Variants in SLC7A1 observed in about 807,000 individuals in gnomAD.
The protein encoded by SLC7A1 is high affinity cationic amino acid transporter 1.
A neutral mutation model predicts 53.9 loss-of-function variants in SLC7A1; 10 were observed. The observed-to-expected ratio is 0.19, with a 90% confidence interval of 0.11 to 0.31. The LOEUF (loss-of-function observed/expected upper bound fraction) is 0.31, where lower values mean the gene tolerates loss of function less well. SLC7A1 is among the 10% of genes least tolerant of loss of function. The pLI, the probability that SLC7A1 is intolerant of heterozygous loss-of-function variation, is 1.00. For synonymous variants in SLC7A1, 342 were observed against 338.7 expected (o/e 1.01, Z -0.11); for missense variants, 525 against 827.2 (o/e 0.63, Z 4.48).
At position 29,517,661 on chromosome 13, in the gene SLC7A1, C is replaced by T. The variant is rs1218782564; in HGVS notation, c.1422G>A (p.Met474Ile). 1.2e-6 allele frequency: 2 copies of T among 1,614,094 alleles called. No homozygotes were observed. The highest frequency in any genetic ancestry group is 1.7e-5 in the Admixed American group (1 of 60,010). Reference sequence around the variant, plus strand: ...GTGAGAGTATGGTTTTCAAAGAGAACATCTCTGCCTCTGGTAAAAAGCCCA... The same window carrying T: ...GTGAGAGTATGGTTTTCAAAGAGAATATCTCTGCCTCTGGTAAAAAGCCCA... ...SQLGFLPEAE[M>I]FSLKTILSPK... The change falls in exon 10 of 13, where the codon ATG (methionine) becomes ATA (isoleucine). Residue 474 changes from methionine to isoleucine, a missense_variant. Physicochemically the swap from Met to Ile is conservative, Grantham distance 10. Transcript: ENST00000380752.
chr13:29,515,344 T>C (rs541187957), intron 12 of SLC7A1, among the ~76,000 whole-genome samples: 66 of 152,356 alleles, frequency 4.3e-4, no homozygotes, highest in Non-Finnish European at 2.4e-4. Context: ...AGAAAGGCTC[T>C]AGGAGACGTC....
intron 5 of SLC7A1, 147 bp downstream of exon 5, chr13:29,530,391 C>T: frequency 4.0e-6 from 3 of 754,702 alleles, no homozygotes; most frequent in Non-Finnish European, 2.2e-6. Flanking sequence ...CCCTCAGCTA[C>T]TTCACTGCAA....
intron 2 of SLC7A1, among the ~76,000 whole-genome samples, chr13:29,552,481 A>G (rs1424431467): frequency 6.6e-6 from 1 of 152,184 alleles, no homozygotes; most frequent in Non-Finnish European, 1.5e-5. Flanking sequence ...CTGGCCATAA[A>G]CAAAATCTCT....
Position 29,522,362 on chromosome 13 carries a change from T to G in SLC7A1, c.1144A>C (p.Thr382Pro). Residue 382 changes from threonine (T) to proline (P), a missense_variant, in exon 8 of 13, where the codon ACC becomes CCC. Coordinates refer to ENST00000380752, the MANE Select transcript of SLC7A1 (RefSeq NM_003045.5). ...FKFLANVNDR[T>P]KTPIIATLAS... ...AATGTGGCGATTATTGGTGTTTTGG[T>G]CCTATCATTGACGTTGGCTAAGAAT... The G allele has an allele frequency of 6.2e-7, 1 of 1,614,170 alleles. No homozygotes were observed. The highest frequency in any genetic ancestry group is 1.7e-5 in the Admixed American group (1 of 60,024).
At chr13:29,560,023 TAA>T (rs1438944478) in intron 1 of SLC7A1, among the ~76,000 whole-genome samples, 1 of 152,210 alleles carries the variant, frequency 6.6e-6, no homozygotes, top group Non-Finnish European at 1.5e-5. Flanking sequence ...ACCTTTTTTT[TAA>T]AACTCTTACT....
chr13:29,521,516 T>C (rs527548655), intron 8 of SLC7A1, among the ~76,000 whole-genome samples: 1 of 152,296 alleles, frequency 6.6e-6, no homozygotes, highest in African/African-American at 2.4e-5. Context: ...TCCCTGGGCC[T>C]CCACTTCTAC....
At chr13:29,534,441 T>C (rs1164969961) in intron 3 of SLC7A1, among the ~76,000 whole-genome samples, 5 of 152,320 alleles carry the variant, frequency 3.3e-5, no homozygotes, top group Admixed American at 2.6e-4. Context: ...GAGAACCATG[T>C]GTGGTTGTTA....
intron 5 of SLC7A1, among the ~76,000 whole-genome samples, chr13:29,525,931 G>C (rs1868867446): frequency 6.6e-6 from 1 of 152,220 alleles, no homozygotes; most frequent in African/African-American, 2.4e-5. Context: ...CGCCTCTCAG[G>C]CCAGAGGCCC....
intron 1 of SLC7A1, among the ~76,000 whole-genome samples, chr13:29,566,414 C>T (rs1025827269): frequency 6.6e-6 from 1 of 152,184 alleles, no homozygotes; most frequent in African/African-American, 2.4e-5. Flanking sequence ...AAATGTGGTA[C>T]ATCCAGACAA....
chr13:29,514,990 C>T (rs549547755), intron 12 of SLC7A1, among the ~76,000 whole-genome samples: 82 of 152,306 alleles, frequency 5.4e-4, no homozygotes, highest in Non-Finnish European at 8.5e-4. Flanking sequence ...TCAGCCTGGA[C>T]AGTCCCACTG....
intron 1 of SLC7A1, among the ~76,000 whole-genome samples, chr13:29,559,960 C>T (rs1030089066): frequency 1.3e-5 from 2 of 152,166 alleles, no homozygotes; most frequent in African/African-American, 4.8e-5. Context: ...TGTGATCCGC[C>T]CGCCTCGGCC....
intron 1 of SLC7A1, among the ~76,000 whole-genome samples, chr13:29,580,426 C>CGGAGAAGAGCCAGCCTTGGCTCA (rs1555294488): frequency 2.4e-4 from 36 of 152,182 alleles, no homozygotes; most frequent in Non-Finnish European, 5.0e-4. Context: ...AACTGCCTCC[C>CGGAGAAGAGCCAGCCTTGGCTCA]CGTTTTGAGA....
chr13:29,538,610 AG>A (rs1869530188), intron 2 of SLC7A1, among the ~76,000 whole-genome samples: 1 of 152,244 alleles, frequency 6.6e-6, no homozygotes. Context: ...CAGGATCTGC[AG>A]GCTCAGGGAG....
intron 2 of SLC7A1, 122 bp from the exon 3 acceptor site, chr13:29,536,324 G>T: frequency 2.0e-6 from 2 of 1,019,456 alleles, no homozygotes; most frequent in South Asian, 1.6e-5. Context: ...CTGCTAAAAC[G>T]CTTTAATTCG....
chr13:29,522,680 G>A (rs1868683459), intron 7 of SLC7A1, among the ~76,000 whole-genome samples: 2 of 152,268 alleles, frequency 1.3e-5, no homozygotes, highest in South Asian at 4.1e-4. Flanking sequence ...AAAGAATAGG[G>A]AACATCTATC....
At chr13:29,572,773 C>T (rs954405509) in intron 1 of SLC7A1, among the ~76,000 whole-genome samples, 4 of 152,108 alleles carry the variant, frequency 2.6e-5, no homozygotes, top group African/African-American at 7.2e-5. Context: ...CAGCACTGGG[C>T]GGGGAAGGTG....
intron 1 of SLC7A1, among the ~76,000 whole-genome samples, chr13:29,556,220 G>A (rs2139140379): frequency 6.6e-6 from 1 of 151,652 alleles, no homozygotes; most frequent in African/African-American, 2.4e-5. Context: ...TAAAGACACT[G>A]GCAAATATGT....
At chr13:29,539,417 G>T (rs1869568559) in intron 2 of SLC7A1, among the ~76,000 whole-genome samples, 1 of 152,204 alleles carries the variant, frequency 6.6e-6, no homozygotes, top group Non-Finnish European at 1.5e-5. Context: ...CCACAGCACA[G>T]ATCACTGCTG....
intron 1 of SLC7A1, among the ~76,000 whole-genome samples, chr13:29,589,557 C>T (rs192566507): frequency 1.1e-3 from 173 of 152,342 alleles, no homozygotes; most frequent in African/African-American, 3.9e-3. Flanking sequence ...GGTGCCTGGA[C>T]TTGGGAGGGG....
Sources: allele counts gnomAD v4.1 joint callset (sites outside exome capture counted in the v4.1 genomes callset), GRCh38; gene constraint gnomAD v4.1.1; transcripts MANE v1.5; gene names NCBI Gene and HGNC (gene_info 2026-07-23, HGNC 2026-07-21).